SBF2: variants seen among roughly 807,000 people sequenced by gnomAD.
SBF2 encodes the protein SET binding factor 2.
In SBF2, 112 loss-of-function variants were observed where a neutral mutation model predicts 225.2. The ratio of observed to expected loss-of-function variants is 0.50; its 90% CI spans 0.43 to 0.58. SBF2 has a LOEUF of 0.58. Ranked by LOEUF, SBF2 falls within the 20% of genes least tolerant of loss-of-function variation. The pLI is 0.00. For synonymous variants in SBF2, 763 were observed against 773.3 expected, an observed-to-expected ratio of 0.99 and a Z score of 0.22; for missense variants, 1,996 against 2,206.2, an observed-to-expected ratio of 0.90 and a Z score of 1.91.
intron 2 of SBF2, among the ~76,000 whole-genome samples, chr11:10,157,081 T>C (rs1293418644): frequency 6.6e-6 from 1 of 152,006 alleles, no homozygotes; most frequent in African/African-American, 2.4e-5. Flanking sequence ...CACGGATCAA[T>C]GGAACAGAAC....
intron 22 of SBF2, among the ~76,000 whole-genome samples, chr11:9,849,542 T>C (rs1856779469): frequency 6.6e-6 from 1 of 152,172 alleles, no homozygotes; most frequent in Non-Finnish European, 1.5e-5. Flanking sequence ...AGAAGTTGTC[T>C]GCTAAAAGGG....
chr11:9,794,343 T>C (rs1423522763), intron 33 of SBF2, among the ~76,000 whole-genome samples: 1 of 152,000 alleles, frequency 6.6e-6, no homozygotes, highest in African/African-American at 2.4e-5. Context: ...TAAAGCTGAG[T>C]GACATGGTGA....
At chr11:10,057,718 ATGAAC>A (rs1251562675) in intron 2 of SBF2, among the ~76,000 whole-genome samples, 1 of 152,168 alleles carries the variant, frequency 6.6e-6, no homozygotes, top group Non-Finnish European at 1.5e-5. Flanking sequence ...GTACCAAGTC[ATGAAC>A]TACAGCCAGT....
intron 1 of SBF2, among the ~76,000 whole-genome samples, chr11:10,279,472 T>C (rs1274262599): frequency 6.6e-6 from 1 of 151,918 alleles, no homozygotes; most frequent in Non-Finnish European, 1.5e-5. Context: ...ATTATTTAGA[T>C]ACTAGTACCT....
intron 1 of SBF2, among the ~76,000 whole-genome samples, chr11:10,291,241 T>C (rs1964139241): frequency 6.6e-6 from 1 of 152,154 alleles, no homozygotes; most frequent in Non-Finnish European, 1.5e-5. Flanking sequence ...GATCAGGTCA[T>C]GGTGGTGGAG....
At position 10,000,808 on chromosome 11, in the gene SBF2, A is replaced by G. The variant is rs186652469; in HGVS notation, c.861+106T>C. On this transcript the variant is annotated intron_variant, in intron 8 of 39. Transcript: ENST00000256190. ...TTCTATCCAATCTTTTCTACTGGAA[A>G]TGCTACAGATCTGAAAATAGTGATG... is the stretch of plus-strand genomic sequence containing the variant. 27 of 679,644 alleles carry G rather than the reference A, an allele frequency of 4.0e-5. No individual in the cohort carries two copies. In the East Asian group the frequency reaches 7.2e-4, roughly 18 times the overall value. 42.1% of individuals were successfully genotyped at this position (679,644 alleles called of 1,614,324 possible).
In SBF2 at chr11:9,795,814, G is replaced by A. The variant is rs757537925; in HGVS notation, c.4570+17C>T. The A allele has an allele frequency of 5.6e-6, 9 of 1,612,194 alleles. No homozygotes were observed. The African/African-American group carries it at 1.1e-4, about 19-fold the overall frequency. Reference sequence around the variant, plus strand: ...GAACTAACAAAAAAGATGAAACAAGGGCATACAGACACATACCGTGCTCTA... The same window carrying A: ...GAACTAACAAAAAAGATGAAACAAGAGCATACAGACACATACCGTGCTCTA... On this transcript the variant is annotated intron_variant, in intron 33 of 39. Transcript: ENST00000256190.
chr11:9,837,739 C>G (rs566736102), intron 26 of SBF2, among the ~76,000 whole-genome samples: 5 of 129,552 alleles, frequency 3.9e-5, no homozygotes, highest in African/African-American at 1.4e-4. Flanking sequence ...TTAAAAGCAG[C>G]AGAAAGCTTT....
rs1855948400 is a variant in SBF2 at position 9,839,375 on chromosome 11, A to G, written c.3455+123T>C. 3 of 940,894 alleles carry G rather than the reference A, an allele frequency of 3.2e-6. No homozygotes were observed. The Admixed American group carries it at 5.2e-5, about 16-fold the overall frequency. 58.3% of individuals were successfully genotyped at this position (940,894 alleles called of 1,614,324 possible). ...TGAGATGCTTGCTCGTATCCTGGAG[A>G]CCTTGTTCTTATTTTCAGGCATTTT... On this transcript the variant is annotated intron_variant, in intron 26 of 39. Transcript: ENST00000256190.
At position 9,911,935 on chromosome 11, in the gene SBF2, C is replaced by T. The variant is rs919788560; in HGVS notation, c.1861-15924G>A. Reference sequence around the variant, plus strand: ...ATACGCTAACCAAGCTTGTCCAACACGCGGCCCACAGGCCACATGCAGCCC... The same window carrying T: ...ATACGCTAACCAAGCTTGTCCAACATGCGGCCCACAGGCCACATGCAGCCC... On this transcript the variant is annotated intron_variant, in intron 16 of 39. Coordinates refer to ENST00000256190, the MANE Select transcript of SBF2 (RefSeq NM_030962.4). 3.9e-5 allele frequency among the ~76,000 whole-genome samples: 6 copies of T among 152,236 alleles called. No individual in the cohort carries two copies. The South Asian group carries it at 6.2e-4, about 16-fold the overall frequency.
chr11:10,104,745 G>A (rs1952476843), intron 2 of SBF2, among the ~76,000 whole-genome samples: 1 of 151,998 alleles, frequency 6.6e-6, no homozygotes, highest in South Asian at 2.1e-4. Context: ...TTCCTACTCA[G>A]CCTCTTCCCA....
chr11:9,936,752 T>A (rs950422619), intron 16 of SBF2, among the ~76,000 whole-genome samples: 7 of 152,034 alleles, frequency 4.6e-5, no homozygotes. Context: ...AATTGAACAA[T>A]GAGAACATTT....
intron 6 of SBF2, among the ~76,000 whole-genome samples, chr11:10,025,586 C>T (rs1164585406): frequency 6.6e-6 from 1 of 151,976 alleles, no homozygotes; most frequent in African/African-American, 2.4e-5. Context: ...TGCCTTCAAG[C>T]AGATGTTATT....
At chr11:9,805,173 G>A (rs1030684012) in intron 32 of SBF2, among the ~76,000 whole-genome samples, 11 of 147,758 alleles carry the variant, frequency 7.4e-5, no homozygotes, top group Admixed American at 3.4e-4. Flanking sequence ...GTGAGCCTGG[G>A]AGGCGGAGGT....
intron 22 of SBF2, 84 bp downstream of exon 22, chr11:9,849,939 A>C (rs1015307617): frequency 1.0e-5 from 13 of 1,291,002 alleles, no homozygotes; most frequent in Non-Finnish European, 1.5e-5. Flanking sequence ...ATTTAAAATG[A>C]TCTGCAAATC....
At chr11:10,121,576 C>A (rs1953452656) in intron 2 of SBF2, among the ~76,000 whole-genome samples, 1 of 152,190 alleles carries the variant, frequency 6.6e-6, no homozygotes, top group Admixed American at 6.5e-5. Flanking sequence ...ACCAATTTTA[C>A]ATATGACTAG....
chr11:10,240,117 C>T (rs964391971), intron 1 of SBF2, among the ~76,000 whole-genome samples: 2 of 151,956 alleles, frequency 1.3e-5, no homozygotes, highest in African/African-American at 4.8e-5. Flanking sequence ...ATACATGAGA[C>T]AAAAGTCCCC....
At chr11:9,845,541 T>G (rs1266735770) in intron 24 of SBF2, 24 bp downstream of exon 24, 1 of 1,607,664 alleles carries the variant, frequency 6.2e-7, no homozygotes, top group African/African-American at 1.3e-5. Flanking sequence ...GGGCTGAAAT[T>G]AACAGACTTG....
rs368704346 is a variant in SBF2, at chr11:10,019,894, A to G, written c.619+8558T>C. Among the ~76,000 whole-genome samples, 95 of 152,284 alleles carry G rather than the reference A, an allele frequency of 6.2e-4. 1 individual carries two copies. The South Asian group carries it at 0.019, about 30-fold the overall frequency. ...TAAAGAAAACATTTTTACACATCCT[A>G]AGCTTTCATTTTTACCTCTGGCATC... On this transcript the variant is annotated intron_variant, in intron 6 of 39. Transcript: ENST00000256190.
Sources: gnomAD v4.1 joint callset for allele counts (sites outside exome capture counted in the v4.1 genomes callset) on GRCh38, gnomAD v4.1.1 for gene constraint, MANE v1.5 for transcripts, NCBI Gene and HGNC (gene_info 2026-07-23, HGNC 2026-07-21) for gene names.